The following OLR1 variants were observed in gnomAD, a reference collection of about 807,000 sequenced individuals.
The protein encoded by OLR1 is oxidized low-density lipoprotein receptor 1.
OLR1 carries 23 observed loss-of-function variants against 31.7 expected under a neutral mutation model. The ratio of observed to expected loss-of-function variants is 0.72; its 90% CI spans 0.52 to 1.03. The LOEUF is 1.03. Ranked by LOEUF, OLR1 falls within the 50% of genes least tolerant of loss-of-function variation. OLR1 has a pLI of 0.00. For missense variants in OLR1, 286 were observed against 315.7 expected, an observed-to-expected ratio of 0.91 and a Z score of 0.71; for synonymous variants, 117 against 115.8, an observed-to-expected ratio of 1.01 and a Z score of -0.07.
intron 3 of OLR1, among the ~76,000 whole-genome samples, chr12:10,162,996 A>T (rs1024486128): frequency 6.0e-5 from 9 of 150,462 alleles, no homozygotes; most frequent in Non-Finnish European, 8.9e-5. Flanking sequence ...TAAACAGAGT[A>T]AGTGATATTT....
chr12:10,161,047 T>C, intron 3 of OLR1, 122 bp from the exon 4 acceptor site: 1 of 1,089,076 alleles, frequency 9.2e-7, no homozygotes, highest in Non-Finnish European at 1.3e-6. Flanking sequence ...TTTTTGTTTT[T>C]GTTTTTGTAT....
intron 4 of OLR1, 94 bp from the exon 5 acceptor site, chr12:10,160,556 CA>C (rs1948611683): frequency 9.3e-7 from 1 of 1,075,408 alleles, no homozygotes; most frequent in Non-Finnish European, 1.4e-6. Context: ...ACTAAAGAAC[CA>C]AAAGGTATCT....
intron 1 of OLR1, among the ~76,000 whole-genome samples, chr12:10,171,478 C>T (rs2137527805): frequency 6.6e-6 from 1 of 152,304 alleles, no homozygotes; most frequent in African/African-American, 2.4e-5. Context: ...ATATCATTTA[C>T]TTTGCCTGCA....
chr12:10,174,695 A>G (rs959152844), upstream of OLR1, among the ~76,000 whole-genome samples: 10 of 152,184 alleles, frequency 6.6e-5, no homozygotes, highest in African/African-American at 2.4e-4. Flanking sequence ...GTATGTACAC[A>G]GCGTATTGAT....
At chr12:10,176,045 A>T (rs558455272), upstream of OLR1, among the ~76,000 whole-genome samples, 4 of 152,348 alleles carry the variant, frequency 2.6e-5, no homozygotes, top group African/African-American at 9.6e-5. Context: ...GACATAAGCT[A>T]ATGATTCACA....
At chr12:10,161,084 G>A (rs2137503218) in intron 3 of OLR1, among the ~76,000 whole-genome samples, 159 bp from the exon 4 acceptor site, 2 of 152,246 alleles carry the variant, frequency 1.3e-5, no homozygotes, top group East Asian at 3.9e-4. Flanking sequence ...GTTTCACCAT[G>A]TAGGCCAAGC....
At chr12:10,166,646 C>CA in intron 3 of OLR1, 66 bp downstream of exon 3, 6 of 1,589,414 alleles carry the variant, frequency 3.8e-6, no homozygotes, top group Non-Finnish European at 4.3e-6. Context: ...GAATTGTTTC[C>CA]AAAAAATAGT....
At chr12:10,167,736 G>C (rs1948674832) in intron 2 of OLR1, 2 of 152,048 alleles carry the variant, frequency 1.3e-5, no homozygotes, top group South Asian at 4.2e-4. Flanking sequence ...CACGCACACT[G>C]TGTCACAAGA....
chr12:10,174,259 C>T (rs578053089), upstream of OLR1, among the ~76,000 whole-genome samples: 18 of 152,180 alleles, frequency 1.2e-4, no homozygotes, highest in Admixed American at 1.1e-3. Context: ...GACAGGGTTT[C>T]ACCATGTTGG....
chr12:10,171,683 T>G (rs527489161), intron 1 of OLR1, among the ~76,000 whole-genome samples: 1 of 152,204 alleles, frequency 6.6e-6, no homozygotes, highest in Non-Finnish European at 1.5e-5. Context: ...GTCCTCCTGA[T>G]GCCCAGTTAG....
chr12:10,160,198 A>G, intron 5 of OLR1, 149 bp downstream of exon 5: 1 of 885,306 alleles, frequency 1.1e-6, no homozygotes, highest in Non-Finnish European at 1.7e-6. Context: ...TTTGTGAAAG[A>G]GGTAAGGAAG....
In OLR1 at chr12:10,169,188, A is replaced by G. The variant is rs1187058017; in HGVS notation, c.77-13T>C. The G allele has an allele frequency of 1.3e-6, 2 of 1,590,092 alleles. No homozygotes were observed. The highest frequency in any genetic ancestry group is 1.7e-6 in the Non-Finnish European group (2 of 1,164,988). Reference sequence around the variant, plus strand: ...AGAAACTGAAGACCTAGAGTGACAGAGGATAGAATCAGAAAGACAAAAAAG... The same window carrying G: ...AGAAACTGAAGACCTAGAGTGACAGGGGATAGAATCAGAAAGACAAAAAAG... On this transcript the variant is annotated splice_polypyrimidine_tract_variant and intron_variant, in intron 1 of 5. Coordinates refer to ENST00000309539, the MANE Select transcript of OLR1 (RefSeq NM_002543.4).
At chr12:10,169,829 G>A (rs1424591301) in intron 1 of OLR1, among the ~76,000 whole-genome samples, 1 of 151,690 alleles carries the variant, frequency 6.6e-6, no homozygotes, top group Non-Finnish European at 1.5e-5. Context: ...CACGCCAAGT[G>A]TAGGCTTGAT....
At chr12:10,161,924 G>GATATATATAT (rs34054558) in intron 3 of OLR1, among the ~76,000 whole-genome samples, 2,303 of 67,838 alleles carry the variant, frequency 0.034, 13 homozygotes, top group African/African-American at 0.05. Flanking sequence ...AAATTTTAAT[G>GATATATATAT]ATATATATAT....
intron 3 of OLR1, among the ~76,000 whole-genome samples, chr12:10,164,620 C>G (rs1948645844): frequency 1.3e-5 from 2 of 152,068 alleles, no homozygotes; most frequent in African/African-American, 2.4e-5. Flanking sequence ...TTCTCTAATC[C>G]TGACAATAGG....
At chr12:10,160,597 CACTT>C (rs1164724676) in intron 4 of OLR1, 135 bp from the exon 5 acceptor site, 1 of 983,356 alleles carries the variant, frequency 1.0e-6, no homozygotes, top group Non-Finnish European at 1.6e-6. Flanking sequence ...TTTACGGAAA[CACTT>C]ACTGAAGGCT....
chr12:10,166,799 G>C lies in OLR1; in HGVS notation c.337C>G (p.Leu113Val). ...ATTTGCTCTTTGGATTTCTCATTCA[G>C]CTTCCGAGCAAGGGTTTCTATCATT... is the stretch of plus-strand genomic sequence containing the variant. ...KEMIETLARK[L>V]NEKSKEQMEL... is the part of the protein sequence containing the mutation. Residue 113 changes from leucine to valine, a missense_variant, in exon 3 of 6, where the codon CTG becomes GTG. Leu to Val is a conservative substitution (Grantham distance 32, BLOSUM62 1). Transcript: ENST00000309539. The C allele has an allele frequency of 6.2e-7, 1 of 1,613,824 alleles. No individual in the cohort carries two copies. The highest frequency in any genetic ancestry group is 8.5e-7 in the Non-Finnish European group (1 of 1,179,994).
rs757382242 is a variant in OLR1 at position 10,166,844 on chromosome 12, A to ACTC, written c.289_291dup (p.Glu97dup). 1.4e-5 allele frequency: 22 copies of ACTC among 1,611,496 alleles called. No homozygotes were observed. Among genetic ancestry groups the ACTC allele is most frequent in the Non-Finnish European group, 1.7e-5 (20 of 1,179,574 alleles). ...ATCATTTCCTTGAGTTCGTTTTCTG[A>ACTC]CTCCTGTGAAGCTTCTTCTGCTTGT... On this transcript the variant is annotated inframe_insertion, in exon 3 of 6. Coordinates refer to ENST00000309539, the MANE Select transcript of OLR1 (RefSeq NM_002543.4).
At chr12:10,162,570 A>G (rs184702580) in intron 3 of OLR1, among the ~76,000 whole-genome samples, 16 of 152,208 alleles carry the variant, frequency 1.1e-4, no homozygotes, top group African/African-American at 2.7e-4. Context: ...GCTCATGCCT[A>G]TAATCCCACC....
Sources: gnomAD v4.1 joint callset for allele counts (sites outside exome capture counted in the v4.1 genomes callset) on GRCh38, gnomAD v4.1.1 for gene constraint, MANE v1.5 for transcripts, NCBI Gene and HGNC (gene_info 2026-07-23, HGNC 2026-07-21) for gene names.